The following RBSN variants were observed in gnomAD, a reference collection of about 807,000 sequenced individuals.
RBSN encodes the protein rabenosyn-5.
A neutral mutation model predicts 60.5 loss-of-function variants in RBSN; 34 were observed. That is an observed-to-expected ratio of 0.56 (90% CI 0.43 to 0.75). The LOEUF (loss-of-function observed/expected upper bound fraction) is 0.75, where lower values mean the gene tolerates loss of function less well. RBSN is among the 30% of genes least tolerant of loss of function. RBSN has a pLI of 0.00. For synonymous variants in RBSN, 322 were observed against 366.9 expected, an observed-to-expected ratio of 0.88 and a Z score of 1.40; for missense variants, 845 against 986.8, an observed-to-expected ratio of 0.86 and a Z score of 1.92.
chr3:15,094,144 G>A (rs140504358), intron 4 of RBSN, among the ~76,000 whole-genome samples: 6 of 152,086 alleles, frequency 3.9e-5, no homozygotes, highest in African/African-American at 1.4e-4. Flanking sequence ...AGGAATCCGG[G>A]AACATTCTCT....
Position 15,073,956 on chromosome 3 carries a change from C to G in RBSN, c.2181G>C (p.Gly727=), listed in dbSNP as rs745392628. Residue 727 remains glycine, a synonymous_variant, in exon 14 of 14, where the codon GGG becomes GGC. Transcript: ENST00000253699. ...INPFEMDSDS[G]PEAEEPIEEE... ...CCTCTATGGGCTCCTCAGCCTCTGG[C>G]CCACTGTCACTGTCCATCTCAAAGG... 3.1e-6 allele frequency: 5 copies of G among 1,614,038 alleles called. No homozygotes were observed. Among genetic ancestry groups the G allele is most frequent in the Non-Finnish European group, 4.2e-6 (5 of 1,180,010 alleles).
chr3:15,086,357 A>G (rs2043342094), intron 5 of RBSN, among the ~76,000 whole-genome samples: 1 of 152,188 alleles, frequency 6.6e-6, no homozygotes, highest in Non-Finnish European at 1.5e-5. Context: ...AATGGAAGAA[A>G]ATCTGCTAAA....
rs545386350 is a variant in RBSN at position 15,082,881 on chromosome 3, G to A, written c.599-273C>T. Among the ~76,000 whole-genome samples the A allele has an allele frequency of 1.3e-5, 2 of 152,238 alleles. No homozygotes were observed. Among genetic ancestry groups the A allele is most frequent in the South Asian group, 4.1e-4 (2 of 4,824 alleles). ...CTCCAACACAACAAACATTCTCCCA[G>A]GAGACTTTCCTCCACAGCCTTCTCC... On this transcript the variant is annotated intron_variant, in intron 8 of 13. Transcript: ENST00000253699. The surrounding 1 kb of genome is among the most constrained non-coding windows in gnomAD (Gnocchi z 4.2).
At chr3:15,081,761 C>T (rs1412136656) in intron 9 of RBSN, among the ~76,000 whole-genome samples, 1 of 152,258 alleles carries the variant, frequency 6.6e-6, no homozygotes, top group African/African-American at 2.4e-5. Context: ...CCTGGCTAGT[C>T]TTCCTCAGCT....
rs375317120 is a variant in RBSN, at chr3:15,090,133, ACT to A, written c.289+264_289+265del. 1.8e-3 allele frequency among the ~76,000 whole-genome samples: 274 copies of A among 152,256 alleles called. 1 individual carries two copies. Among genetic ancestry groups the A allele is most frequent in the African/African-American group, 6.2e-3 (256 of 41,560 alleles). On this transcript the variant is annotated intron_variant, in intron 5 of 13. Coordinates refer to ENST00000253699, the MANE Select transcript of RBSN (RefSeq NM_022340.4). ...CATACCCTACTTCTGCAGTTTACTC[ACT>A]GTTTGTCCCTGGGCAGGTTCTCATG...
In RBSN at chr3:15,084,919, A is replaced by T; in HGVS notation, c.437-23T>A. On this transcript the variant is annotated intron_variant, in intron 7 of 13. Coordinates refer to ENST00000253699, the MANE Select transcript of RBSN (RefSeq NM_022340.4). This position sits in a 1 kb window ranked among gnomAD's most constrained non-coding sequence, Gnocchi z 4.2. ...TTGCTTTGGGAAGAGCAAACCAACA[A>T]GAAAGCAGGCCATTTTAAAGAGAGC... 1.2e-6 allele frequency: 2 copies of T among 1,612,512 alleles called. No homozygotes were observed. Among genetic ancestry groups the T allele is most frequent in the Non-Finnish European group, 1.7e-6 (2 of 1,178,864 alleles).
chr3:15,096,055 A>T lies in RBSN; in HGVS notation c.66T>A (p.Asp22Glu). 6.2e-7 allele frequency: 1 copy of T among 1,613,912 alleles called. No homozygotes were observed. The highest frequency in any genetic ancestry group is 8.5e-7 in the Non-Finnish European group (1 of 1,179,866). Residue 22 changes from aspartate to glutamate, a missense_variant, in exon 4 of 14, where the codon GAT (aspartate) becomes GAA (glutamate). By Grantham distance (45) the Asp-to-Glu change is conservative. Coordinates refer to ENST00000253699, the MANE Select transcript of RBSN (RefSeq NM_022340.4). ...AGTGAAGCTGATAGAAAGACTGCAG[A>T]TCCTTCAGGCACAGAGGGCAGAGGA... ...EGFLCPLCLK[D>E]LQSFYQLHSH...
In RBSN at chr3:15,074,855, C is replaced by T; in HGVS notation, c.1282G>A (p.Ala428Thr). The T allele has an allele frequency of 1.2e-6, 2 of 1,614,124 alleles. No homozygotes were observed. Among genetic ancestry groups the T allele is most frequent in the Non-Finnish European group, 1.7e-6 (2 of 1,180,038 alleles). ...LASRAANGEV[A>T]SLRRGPAPLR... ...GGGGCAGGGCCCCTGCGGAGAGATGCCACCTCCCCGTTGGCCGCTCGAGAA... is the reference window on the plus strand; with the variant it reads ...GGGGCAGGGCCCCTGCGGAGAGATGTCACCTCCCCGTTGGCCGCTCGAGAA... Residue 428 changes from alanine (A) to threonine (T), a missense_variant, in exon 14 of 14, where the codon GCA becomes ACA. By Grantham distance (58) the Ala-to-Thr change is moderately conservative. Transcript: ENST00000253699. The surrounding 1 kb of genome is among the most constrained non-coding windows in gnomAD (Gnocchi z 6.4).
rs908728910 is a variant in RBSN, at chr3:15,074,321, C to T, written c.1816G>A (p.Val606Ile). 21 of 1,613,986 alleles carry T rather than the reference C, an allele frequency of 1.3e-5. No homozygotes were observed. Among genetic ancestry groups the T allele is most frequent in the East Asian group, 6.7e-5 (3 of 44,890 alleles). ...PTRVWSGPPA[V>I]GQERLPQSSM... ...CTCTGGGGTAAGCGCTCCTGGCCAA[C>T]GGCTGGGGGCCCAGACCACACTCTG... is the stretch of plus-strand genomic sequence containing the variant. Residue 606 changes from valine to isoleucine, a missense_variant, in exon 14 of 14, where the codon GTT becomes ATT. Val to Ile is a conservative substitution (Grantham distance 29, BLOSUM62 3). Coordinates refer to ENST00000253699, the MANE Select transcript of RBSN (RefSeq NM_022340.4). This position sits in a 1 kb window ranked among gnomAD's most constrained non-coding sequence, Gnocchi z 6.4.
intron 5 of RBSN, 49 bp downstream of exon 5, chr3:15,090,350 A>AG (rs745505524): frequency 1.2e-6 from 2 of 1,603,608 alleles, no homozygotes; most frequent in Admixed American, 3.4e-5. Context: ...CCTAGAACAT[A>AG]GCAGATGCTC....
At position 15,080,786 on chromosome 3, in the gene RBSN, A is replaced by G; in HGVS notation, c.857T>C (p.Met286Thr). ...TGGAGCTTTCTGGTCAACTTTCTCC[A>G]TGCAAAGTCGTAATTTCTAAGAACA... ...VKLYEKLRLCMEKVDQKAPEY... is the reference protein window; with the variant it reads ...VKLYEKLRLCTEKVDQKAPEY... The change falls in exon 10 of 14, where the codon ATG becomes ACG. Residue 286 changes from methionine to threonine, a missense_variant. Met to Thr is a moderately conservative substitution (Grantham distance 81, BLOSUM62 -1). Transcript: ENST00000253699. 2 of 1,614,152 alleles carry G rather than the reference A, an allele frequency of 1.2e-6. No individual in the cohort carries two copies. The highest frequency in any genetic ancestry group is 1.7e-6 in the Non-Finnish European group (2 of 1,180,016).
At chr3:15,075,374 T>TAA (rs1559340067) in intron 13 of RBSN, 1 of 663,716 alleles carries the variant, frequency 1.5e-6, no homozygotes, top group Admixed American at 2.0e-5. Flanking sequence ...TGTGGTATTC[T>TAA]AGCCATGAGA....
At chr3:15,091,350 G>C (rs1308511056) in intron 4 of RBSN, 3 of 1,072,780 alleles carry the variant, frequency 2.8e-6, no homozygotes, top group East Asian at 7.5e-5. Flanking sequence ...TCCAGGATGG[G>C]ATTCAGCTAA....
At chr3:15,075,103 G>A in intron 13 of RBSN, 173 bp from the exon 14 acceptor site, 2 of 753,268 alleles carry the variant, frequency 2.7e-6, no homozygotes, top group Non-Finnish European at 4.2e-6. Flanking sequence ...GTATATGTGG[G>A]CGGAAGGGAG....
intron 4 of RBSN, among the ~76,000 whole-genome samples, chr3:15,093,215 C>T (rs907433377): frequency 5.9e-5 from 9 of 152,180 alleles, no homozygotes; most frequent in African/African-American, 1.7e-4. Flanking sequence ...CAAATGGAGA[C>T]GTAATCTGCT....
intron 13 of RBSN, chr3:15,075,332 C>T: frequency 1.6e-6 from 1 of 637,048 alleles, no homozygotes; most frequent in South Asian, 1.5e-5. Context: ...TGGTCCTCTG[C>T]AACTCCTGCC....
At chr3:15,092,128 C>T (rs563912151) in intron 4 of RBSN, among the ~76,000 whole-genome samples, 7 of 152,202 alleles carry the variant, frequency 4.6e-5, no homozygotes, top group African/African-American at 1.7e-4. Context: ...GCGATCCTCT[C>T]GCCTCAGTCT....
Position 15,072,685 on chromosome 3 carries a change from A to G in RBSN, c.*1097T>C, listed in dbSNP as rs1180946471. On this transcript the variant is annotated 3_prime_UTR_variant, in exon 14 of 14. Coordinates refer to ENST00000253699, the MANE Select transcript of RBSN (RefSeq NM_022340.4). ...AAGGGTGGGGAAACTCTTCTCACAA[A>G]TAATACTAATATCAACCAAAAAGTT... 6.6e-6 allele frequency: 1 copy of G among 152,168 alleles called. No homozygotes were observed. Among genetic ancestry groups the G allele is most frequent in the Non-Finnish European group, 1.5e-5 (1 of 68,022 alleles). The allele number at this position is 152,168 out of a possible 1,614,324, so 9.4% of individuals were successfully genotyped here.
At chr3:15,092,561 A>C (rs971473037) in intron 4 of RBSN, among the ~76,000 whole-genome samples, 3 of 152,158 alleles carry the variant, frequency 2.0e-5, no homozygotes, top group African/African-American at 7.2e-5. Flanking sequence ...GGCACGTGCC[A>C]ACACACCCAG....
Sources: gnomAD v4.1 joint callset for allele counts (sites outside exome capture counted in the v4.1 genomes callset) on GRCh38, gnomAD v4.1.1 for gene constraint, Gnocchi (gnomAD v3.1) non-coding constraint, MANE v1.5 for transcripts, NCBI Gene and HGNC (gene_info 2026-07-23, HGNC 2026-07-21) for gene names.